FAM174A: variants seen among roughly 807,000 people sequenced by gnomAD.
FAM174A encodes the protein family with sequence similarity 174 member A.
In FAM174A, 14 loss-of-function variants were observed where a neutral mutation model predicts 14.3. The ratio of observed to expected loss-of-function variants is 0.98; its 90% CI spans 0.65 to 1.53. The LOEUF is 1.53. Among genes scored for constraint, FAM174A ranks in the 40% most tolerant of loss-of-function variants. The probability of loss-of-function intolerance (pLI) is 0.00; values close to 1 mark genes in which losing one functional copy is unlikely to be tolerated. For synonymous variants in FAM174A, 108 were observed against 111.4 expected, an observed-to-expected ratio of 0.97 and a Z score of 0.19; for missense variants, 241 against 249.6, an observed-to-expected ratio of 0.97 and a Z score of 0.23.
chr5:100,573,218 T>C (rs1746829147), intron 2 of FAM174A, among the ~76,000 whole-genome samples: 2 of 152,128 alleles, frequency 1.3e-5, no homozygotes, highest in South Asian at 4.1e-4. Flanking sequence ...TTCACTCTGA[T>C]GGTAGTTTCT....
chr5:100,542,180 A>G (rs1339715048), intron 1 of FAM174A, among the ~76,000 whole-genome samples: 1 of 152,186 alleles, frequency 6.6e-6, no homozygotes, highest in Non-Finnish European at 1.5e-5. Context: ...TCCAAAATTC[A>G]TTTCCTTAAT....
chr5:100,561,773 C>T (rs1437530583), intron 1 of FAM174A, among the ~76,000 whole-genome samples: 2 of 151,702 alleles, frequency 1.3e-5, no homozygotes, highest in African/African-American at 4.8e-5. Flanking sequence ...AAGTACGGTA[C>T]CTGAATTTAA....
In FAM174A at chr5:100,535,655, G is replaced by A. The variant is rs139985000; in HGVS notation, c.125G>A (p.Gly42Asp). The change falls in exon 1 of 3, where the codon GGT becomes GAT. Residue 42 changes from glycine (G) to aspartate (D), a missense_variant. Transcript: ENST00000312637. ...VLLQAAEAAP[G>D]LGPPDPRPRT... ...CTGCAGGCAGCCGAGGCCGCGCCAG[G>A]TCTTGGGCCTCCTGACCCTAGACCA... 6.6e-3 allele frequency: 10,674 copies of A among 1,612,742 alleles called. 57 individuals are homozygous for A. The highest frequency in any genetic ancestry group is 0.012 in the South Asian group (1,110 of 91,062).
intron 1 of FAM174A, among the ~76,000 whole-genome samples, chr5:100,542,537 T>C (rs1273628914): frequency 3.3e-5 from 5 of 152,218 alleles, no homozygotes; most frequent in African/African-American, 1.2e-4. Flanking sequence ...TGCTATTGTT[T>C]CTAACTTTTC....
At chr5:100,545,276 T>C (rs780499399) in intron 1 of FAM174A, among the ~76,000 whole-genome samples, 3 of 152,256 alleles carry the variant, frequency 2.0e-5, no homozygotes, top group Admixed American at 6.5e-5. Context: ...TTGTTCAGTA[T>C]GATATAAAAC....
rs543333228 is a variant in FAM174A at position 100,556,198 on chromosome 5, G to A, written c.435-5856G>A. On this transcript the variant is annotated intron_variant, in intron 1 of 2. Transcript: ENST00000312637. ...TTCCCAGCACCATTTATTAAATAGG[G>A]ATCCTTTCCCCATTTCTTGTTTTTG... Among the ~76,000 whole-genome samples the A allele has an allele frequency of 3.1e-3, 478 of 152,100 alleles. 1 individual carries two copies. The highest frequency in any genetic ancestry group is 0.011 in the African/African-American group (454 of 41,524).
chr5:100,585,346 G>T (rs903163943), intron 2 of FAM174A, among the ~76,000 whole-genome samples: 44 of 152,242 alleles, frequency 2.9e-4, no homozygotes, highest in African/African-American at 1.0e-3. Flanking sequence ...GATCATAAAT[G>T]ATAAAATAAA....
At position 100,562,474 on chromosome 5, in the gene FAM174A, A is replaced by G. The variant is rs372365482; in HGVS notation, c.569+286A>G. On this transcript the variant is annotated intron_variant, in intron 2 of 2. Coordinates refer to ENST00000312637, the MANE Select transcript of FAM174A (RefSeq NM_198507.3). ...GGGTACAAGTGCAGGGTCGTTACATAGGTAAACTTGTGTCATGTGGTTTTG... is the reference window on the plus strand; with the variant it reads ...GGGTACAAGTGCAGGGTCGTTACATGGGTAAACTTGTGTCATGTGGTTTTG... Among the ~76,000 whole-genome samples the G allele has an allele frequency of 1.5e-4, 23 of 151,844 alleles. No homozygotes were observed. The East Asian group carries it at 3.7e-3, about 24-fold the overall frequency.
chr5:100,571,154 A>G (rs1461173882), intron 2 of FAM174A, among the ~76,000 whole-genome samples: 4 of 151,068 alleles, frequency 2.6e-5, no homozygotes, highest in Non-Finnish European at 4.4e-5. Flanking sequence ...ATGTGTGTGT[A>G]TATATATATG....
intron 2 of FAM174A, among the ~76,000 whole-genome samples, chr5:100,562,436 A>G (rs1417570642): frequency 1.3e-5 from 2 of 151,272 alleles, no homozygotes; most frequent in Middle Eastern, 3.2e-3. Flanking sequence ...TTTATCTTTT[A>G]TTTTAAGTTC....
chr5:100,586,243 G>T lies in FAM174A; in HGVS notation c.*59G>T. The T allele has an allele frequency of 7.9e-7, 1 of 1,266,860 alleles. No homozygotes were observed. Among genetic ancestry groups the T allele is most frequent in the Non-Finnish European group, 1.1e-6 (1 of 904,134 alleles). 78.5% of individuals were successfully genotyped at this position (1,266,860 alleles called of 1,614,324 possible). On this transcript the variant is annotated 3_prime_UTR_variant, in exon 3 of 3. Coordinates refer to ENST00000312637, the MANE Select transcript of FAM174A (RefSeq NM_198507.3). ...CTACAATGAAGAGTGGAATTTCTAT[G>T]TTTAAGGAATAAGAAGCCACTATAT...
chr5:100,577,171 C>T (rs1024585830), intron 2 of FAM174A, among the ~76,000 whole-genome samples: 1 of 151,558 alleles, frequency 6.6e-6, no homozygotes, highest in Non-Finnish European at 1.5e-5. Flanking sequence ...ATCACAAGTA[C>T]CTTATAAATA....
At chr5:100,564,403 G>A (rs1746594882) in intron 2 of FAM174A, among the ~76,000 whole-genome samples, 1 of 151,624 alleles carries the variant, frequency 6.6e-6, no homozygotes, top group Non-Finnish European at 1.5e-5. Flanking sequence ...GAAGTTTATA[G>A]CAATAAATGC....
At chr5:100,549,441 A>G (rs754762039) in intron 1 of FAM174A, among the ~76,000 whole-genome samples, 5 of 152,190 alleles carry the variant, frequency 3.3e-5, no homozygotes, top group Non-Finnish European at 7.4e-5. Flanking sequence ...ACGTTGATTT[A>G]GGATTTACTT....
chr5:100,582,991 T>A (rs535235636), intron 2 of FAM174A, among the ~76,000 whole-genome samples: 88 of 152,216 alleles, frequency 5.8e-4, no homozygotes, highest in Non-Finnish European at 1.1e-3. Context: ...CTGGAAGACT[T>A]ACTAATATCA....
intron 2 of FAM174A, among the ~76,000 whole-genome samples, chr5:100,566,542 A>T (rs1159663297): frequency 1.3e-5 from 2 of 151,824 alleles, no homozygotes; most frequent in Non-Finnish European, 2.9e-5. Context: ...ACAATACAAT[A>T]CAGTAGTGTA....
chr5:100,575,777 T>G (rs1388083946), intron 2 of FAM174A, among the ~76,000 whole-genome samples: 1 of 152,144 alleles, frequency 6.6e-6, no homozygotes, highest in Non-Finnish European at 1.5e-5. Flanking sequence ...ATTTTTGCAA[T>G]CTACTCATCT....
chr5:100,561,563 T>A (rs1039769694), intron 1 of FAM174A, among the ~76,000 whole-genome samples: 1 of 152,074 alleles, frequency 6.6e-6, no homozygotes, highest in East Asian at 1.9e-4. Flanking sequence ...CATGGGACTT[T>A]AAAAAATACT....
intron 1 of FAM174A, among the ~76,000 whole-genome samples, chr5:100,554,334 G>A (rs1345786722): frequency 3.2e-5 from 1 of 31,056 alleles, no homozygotes; most frequent in Non-Finnish European, 6.8e-5. Flanking sequence ...TTTTTTTTTT[G>A]AGACAGAGTC....
Sources: allele counts gnomAD v4.1 joint callset (sites outside exome capture counted in the v4.1 genomes callset), GRCh38; gene constraint gnomAD v4.1.1; transcripts MANE v1.5; gene names NCBI Gene and HGNC (gene_info 2026-07-23, HGNC 2026-07-21).